ZC3HC1: variants seen among roughly 807,000 people sequenced by gnomAD.
ZC3HC1 encodes the protein zinc finger C3HC-type containing 1.
ZC3HC1 carries 38 observed loss-of-function variants against 61.9 expected under a neutral mutation model. The observed-to-expected ratio is 0.61, with a 90% CI of 0.47 to 0.81. ZC3HC1 has a LOEUF of 0.81. Among genes scored for constraint, ZC3HC1 ranks in the 30% least tolerant of loss-of-function variants. The probability of loss-of-function intolerance (pLI) is 0.00; values close to 1 mark genes in which losing one functional copy is unlikely to be tolerated. For missense variants in ZC3HC1, 554 were observed against 622.7 expected (o/e 0.89, Z 1.17); for synonymous variants, 213 against 229.9 (o/e 0.93, Z 0.67).
intron 4 of ZC3HC1, among the ~76,000 whole-genome samples, chr7:130,032,222 T>TAA (rs71175066): frequency 4.2e-5 from 6 of 144,082 alleles, no homozygotes; most frequent in African/African-American, 5.1e-5. Flanking sequence ...AGATTCCCTC[T>TAA]AAAAAAAAAA....
In ZC3HC1 at chr7:130,049,164, C is replaced by T; in HGVS notation, c.147-20G>A. 6.4e-7 allele frequency: 1 copy of T among 1,572,152 alleles called. No homozygotes were observed. Among genetic ancestry groups the T allele is most frequent in the Non-Finnish European group, 8.6e-7 (1 of 1,158,336 alleles). On this transcript the variant is annotated intron_variant, in intron 1 of 9. Coordinates refer to ENST00000358303, the MANE Select transcript of ZC3HC1 (RefSeq NM_016478.5). ...TCCTTCCTAATATAAAGTGGCAAAA[C>T]TGTTGGTAAACCTTTCACAGTACCC...
chr7:130,041,219 A>T, intron 2 of ZC3HC1, 118 bp from the exon 3 acceptor site: 3 of 1,186,240 alleles, frequency 2.5e-6, no homozygotes, highest in South Asian at 3.6e-5. Flanking sequence ...AAAAGTTCTC[A>T]CTCTGTCTCC....
intron 2 of ZC3HC1, among the ~76,000 whole-genome samples, chr7:130,044,695 C>T (rs531559010): frequency 6.6e-6 from 1 of 152,170 alleles, no homozygotes; most frequent in East Asian, 1.9e-4. Context: ...TTTTTATTTA[C>T]AAAGGAGGAA....
intron 3 of ZC3HC1, among the ~76,000 whole-genome samples, chr7:130,040,497 CAA>C (rs35982469): frequency 1.8e-4 from 8 of 44,160 alleles, no homozygotes; most frequent in Admixed American, 2.2e-4. Context: ...GACTCCGTCT[CAA>C]AAAAAAAAAA....
intron 2 of ZC3HC1, among the ~76,000 whole-genome samples, chr7:130,046,110 A>T (rs745928964): frequency 5.3e-5 from 8 of 152,244 alleles, no homozygotes; most frequent in Non-Finnish European, 1.2e-4. Flanking sequence ...GAACACATGG[A>T]CACATGAGGG....
In ZC3HC1 at chr7:130,043,702, C is replaced by T. The variant is rs768445028; in HGVS notation, c.259-2601G>A. 7 of 344,368 alleles carry T rather than the reference C, an allele frequency of 2.0e-5. No homozygotes were observed. In the East Asian group the frequency reaches 2.5e-4, roughly 13 times the overall value. 21.3% of individuals were successfully genotyped at this position (344,368 alleles called of 1,614,324 possible). A position where few individuals can be genotyped will look rare whatever the true frequency, so the allele number is the denominator to read the frequency against. Reference sequence around the variant, plus strand: ...GGAAGATGTCAGAGCCAGGAGGCTGCGAAGAGGCAGCTCAGCCCAGGGTGT... The same window carrying T: ...GGAAGATGTCAGAGCCAGGAGGCTGTGAAGAGGCAGCTCAGCCCAGGGTGT... On this transcript the variant is annotated intron_variant, in intron 2 of 9. Transcript: ENST00000358303.
intron 6 of ZC3HC1, among the ~76,000 whole-genome samples, chr7:130,024,842 G>A (rs1241262433): frequency 3.3e-5 from 4 of 120,136 alleles, no homozygotes; most frequent in East Asian, 3.1e-4. Flanking sequence ...TCAGGAGTTC[G>A]AGACCAGCCT....
At chr7:130,049,549 C>CTT (rs148074514) in intron 1 of ZC3HC1, among the ~76,000 whole-genome samples, 28 of 146,996 alleles carry the variant, frequency 1.9e-4, no homozygotes, top group Non-Finnish European at 2.7e-4. Flanking sequence ...AGAAATTCGA[C>CTT]TTTTTTTTTT....
chr7:130,045,677 G>A (rs1015133740), intron 2 of ZC3HC1, among the ~76,000 whole-genome samples: 10 of 152,016 alleles, frequency 6.6e-5, no homozygotes, highest in African/African-American at 2.4e-4. Flanking sequence ...TGAGGTGGGT[G>A]GATCACCTGA....
At chr7:130,051,103 G>A (rs1584603231) in intron 1 of ZC3HC1, 118 bp downstream of exon 1, 2 of 1,313,876 alleles carry the variant, frequency 1.5e-6, no homozygotes, top group Non-Finnish European at 2.0e-6. Flanking sequence ...CAGATTCTAA[G>A]AAGCCATCCC....
At position 130,039,158 on chromosome 7, in the gene ZC3HC1, A is replaced by C. The variant is rs575929448; in HGVS notation, c.493+306T>G. 9.8e-5 allele frequency: 28 copies of C among 285,050 alleles called. No homozygotes were observed. In the South Asian group the frequency reaches 1.1e-3, roughly 12 times the overall value. 17.7% of individuals were successfully genotyped at this position (285,050 alleles called of 1,614,324 possible). ...TCAAGAGTTCGAGACCAGATTGACC[A>C]ACATGGTGAAACCCCATCTCTACTA... On this transcript the variant is annotated intron_variant, in intron 4 of 9. Transcript: ENST00000358303.
intron 2 of ZC3HC1, 36 bp from the exon 3 acceptor site, chr7:130,041,137 T>C: frequency 1.3e-6 from 2 of 1,538,042 alleles, no homozygotes; most frequent in South Asian, 1.2e-5. Flanking sequence ...AGCAAATATA[T>C]ATATATATGT....
chr7:130,047,850 G>A (rs1461897883), intron 2 of ZC3HC1, among the ~76,000 whole-genome samples: 2 of 152,108 alleles, frequency 1.3e-5, no homozygotes, highest in Non-Finnish European at 2.9e-5. Context: ...CTAGTGACTT[G>A]CTTCTAATGC....
intron 6 of ZC3HC1, among the ~76,000 whole-genome samples, chr7:130,025,257 A>C (rs1269792582): frequency 6.6e-6 from 1 of 150,656 alleles, no homozygotes; most frequent in Non-Finnish European, 1.5e-5. Flanking sequence ...AACATTCCTT[A>C]ATCTACCAAA....
chr7:130,028,839 T>C (rs1280492548), intron 5 of ZC3HC1, 63 bp downstream of exon 5: 1 of 1,566,392 alleles, frequency 6.4e-7, no homozygotes. Flanking sequence ...TTAAAAGAAA[T>C]GCTTCAGGTA....
intron 2 of ZC3HC1, among the ~76,000 whole-genome samples, chr7:130,044,733 A>C (rs1794800819): frequency 6.6e-6 from 1 of 152,192 alleles, no homozygotes; most frequent in African/African-American, 2.4e-5. Context: ...GAAATGCCAG[A>C]TACTCCCTTA....
At chr7:130,034,302 G>A (rs533814315) in intron 4 of ZC3HC1, among the ~76,000 whole-genome samples, 17 of 151,020 alleles carry the variant, frequency 1.1e-4, no homozygotes, top group African/African-American at 3.9e-4. Flanking sequence ...TGGCTAACAC[G>A]GTGAAACCCC....
intron 2 of ZC3HC1, among the ~76,000 whole-genome samples, chr7:130,042,920 C>T (rs931014850): frequency 6.6e-6 from 1 of 152,118 alleles, no homozygotes; most frequent in Admixed American, 6.6e-5. Flanking sequence ...TGACCTTGAA[C>T]GCCTGAGGCC....
intron 2 of ZC3HC1, among the ~76,000 whole-genome samples, chr7:130,042,138 A>G (rs1794702782): frequency 6.6e-6 from 1 of 151,806 alleles, no homozygotes; most frequent in South Asian, 2.1e-4. Flanking sequence ...CCTCATCTCT[A>G]TTGAAAATCA....
Sources: gnomAD v4.1 joint callset for allele counts (sites outside exome capture counted in the v4.1 genomes callset) on GRCh38, gnomAD v4.1.1 for gene constraint, MANE v1.5 for transcripts, NCBI Gene and HGNC (gene_info 2026-07-23, HGNC 2026-07-21) for gene names.